Variants in TCF4 observed in about 807,000 individuals in gnomAD.
TCF4 encodes the protein transcription factor 4.
A neutral mutation model predicts 82.1 loss-of-function variants in TCF4; 3 were observed. The ratio of observed to expected loss-of-function variants is 0.04; its 90% CI spans 0.02 to 0.09. The LOEUF is 0.09. Ranked by LOEUF, TCF4 falls within the 10% of genes least tolerant of loss-of-function variation. The pLI is 1.00. For synonymous variants in TCF4, 276 were observed against 309.6 expected (o/e 0.89, Z 1.14); for missense variants, 518 against 852.7 (o/e 0.61, Z 4.89).
At chr18:55,276,925 A>G (rs987408483) in intron 9 of TCF4, among the ~76,000 whole-genome samples, 1 of 152,144 alleles carries the variant, frequency 6.6e-6, no homozygotes, top group African/African-American at 2.4e-5. Flanking sequence ...TCATATTGGG[A>G]GGAATAGTTT....
At chr18:55,406,568 G>GCGC in intron 5 of TCF4, among the ~76,000 whole-genome samples, 1 of 152,138 alleles carries the variant, frequency 6.6e-6, no homozygotes, top group East Asian at 1.9e-4. Context: ...ATTTTCAAGA[G>GCGC]CGCTGATAAC....
chr18:55,339,075 CCTGT>C (rs2147918471), intron 8 of TCF4, among the ~76,000 whole-genome samples: 1 of 152,214 alleles, frequency 6.6e-6, no homozygotes, highest in African/African-American at 2.4e-5. Context: ...TGAATGCTTT[CCTGT>C]CTGTTTAAAA....
chr18:55,258,001 T>C (rs2057257614), intron 13 of TCF4, among the ~76,000 whole-genome samples: 1 of 152,140 alleles, frequency 6.6e-6, no homozygotes, highest in South Asian at 2.1e-4. Context: ...GAATACATAT[T>C]ACATGTCTAA....
intron 5 of TCF4, among the ~76,000 whole-genome samples, chr18:55,455,179 C>CAAAAAAAAAAAAAAAAAA (rs35889370): frequency 6.4e-4 from 43 of 67,448 alleles, no homozygotes; most frequent in African/African-American, 7.2e-4. Flanking sequence ...GACTCTGTCT[C>CAAAAAAAAAAAAAAAAAA]AAAAAAAAAA....
chr18:55,393,253 A>C (rs1457889523), intron 6 of TCF4, among the ~76,000 whole-genome samples: 3 of 152,138 alleles, frequency 2.0e-5, no homozygotes, highest in Admixed American at 2.0e-4. Context: ...AGTCCTAGCT[A>C]CTCAGGAGGC....
At chr18:55,287,993 A>G (rs1401310997) in intron 8 of TCF4, among the ~76,000 whole-genome samples, 2 of 152,224 alleles carry the variant, frequency 1.3e-5, no homozygotes, top group South Asian at 2.1e-4. Flanking sequence ...AGACAGAGCC[A>G]CTAATAATTA....
At chr18:55,237,410 A>G (rs893029787) in intron 15 of TCF4, among the ~76,000 whole-genome samples, 31 of 151,604 alleles carry the variant, frequency 2.0e-4, no homozygotes, top group Admixed American at 1.1e-3. Context: ...TCTATAGATC[A>G]TCTTAAATAA....
intron 3 of TCF4, among the ~76,000 whole-genome samples, chr18:55,556,134 T>A (rs1284401836): frequency 1.3e-5 from 2 of 151,836 alleles, no homozygotes; most frequent in Non-Finnish European, 1.5e-5. Flanking sequence ...AGTGAGCTTA[T>A]ATACCTTTAT....
intron 8 of TCF4, chr18:55,302,566 CA>C: frequency 6.5e-7 from 1 of 1,534,858 alleles, no homozygotes; most frequent in South Asian, 1.2e-5. Context: ...CAAGCAGGAC[CA>C]CAGCCCAGAA....
intron 11 of TCF4, chr18:55,269,603 G>C (rs1417661635): frequency 1.7e-6 from 1 of 572,990 alleles, no homozygotes; most frequent in Non-Finnish European, 3.1e-6. Context: ...TCAATCTAAT[G>C]ACTTGCAACG....
At chr18:55,567,587 C>T (rs1189384082) in intron 3 of TCF4, among the ~76,000 whole-genome samples, 2 of 152,104 alleles carry the variant, frequency 1.3e-5, no homozygotes, top group African/African-American at 4.8e-5. Flanking sequence ...TTGGCACACG[C>T]CTGTAATCCC....
intron 5 of TCF4, among the ~76,000 whole-genome samples, chr18:55,447,880 T>G (rs1237210891): frequency 6.6e-6 from 1 of 152,000 alleles, no homozygotes; most frequent in Non-Finnish European, 1.5e-5. Flanking sequence ...AAACTGAACT[T>G]GGGATCTATG....
At chr18:55,407,254 G>C (rs2094138230) in intron 5 of TCF4, among the ~76,000 whole-genome samples, 1 of 152,152 alleles carries the variant, frequency 6.6e-6, no homozygotes, top group African/African-American at 2.4e-5. Flanking sequence ...GAAAGCTATA[G>C]AGAGGATTTC....
chr18:55,374,138 C>T (rs190495462), intron 6 of TCF4, among the ~76,000 whole-genome samples: 3 of 151,824 alleles, frequency 2.0e-5, no homozygotes, highest in African/African-American at 4.8e-5. Context: ...ATAAGAAAAT[C>T]TAAGGGATGC....
At chr18:55,310,029 G>A (rs2071788225) in intron 8 of TCF4, among the ~76,000 whole-genome samples, 1 of 152,142 alleles carries the variant, frequency 6.6e-6, no homozygotes, top group Admixed American at 6.5e-5. Flanking sequence ...CTTTTCAGTT[G>A]CTCACTTTGA....
Position 55,324,930 on chromosome 18 carries a change from A to C in TCF4, c.549+25429T>G, listed in dbSNP as rs528819028. The stretch of plus-strand genomic sequence containing the variant: ...GATTCTTATTTTCTTCTAGAATCTA[A>C]AGTTTACAGTTCTTTTGTAATTTTC... On this transcript the variant is annotated intron_variant, in intron 8 of 19. Coordinates refer to ENST00000354452, the MANE Select transcript of TCF4 (RefSeq NM_001083962.2). Among the ~76,000 whole-genome samples, 14 of 152,322 alleles carry C rather than the reference A, an allele frequency of 9.2e-5. 1 individual carries two copies. The South Asian group carries it at 2.9e-3, about 32-fold the overall frequency.
intron 1 of TCF4, among the ~76,000 whole-genome samples, chr18:55,634,649 G>C (rs2097734562): frequency 6.6e-6 from 1 of 152,178 alleles, no homozygotes; most frequent in South Asian, 2.1e-4. Flanking sequence ...GCAATAAGTT[G>C]TGAGTCACAT....
chr18:55,526,800 T>C (rs923831787), intron 3 of TCF4, among the ~76,000 whole-genome samples: 1 of 152,174 alleles, frequency 6.6e-6, no homozygotes, highest in African/African-American at 2.4e-5. Context: ...TGGATCCTAA[T>C]TGATTTTTCC....
chr18:55,233,270 T>C (rs184333637), intron 16 of TCF4, among the ~76,000 whole-genome samples: 11 of 152,316 alleles, frequency 7.2e-5, no homozygotes, highest in African/African-American at 2.4e-4. Context: ...ACGACCCTAA[T>C]GTAGTAATTT....
Sources: gnomAD v4.1 joint callset for allele counts (sites outside exome capture counted in the v4.1 genomes callset) on GRCh38, gnomAD v4.1.1 for gene constraint, MANE v1.5 for transcripts, NCBI Gene and HGNC (gene_info 2026-07-23, HGNC 2026-07-21) for gene names.